The following PTPRU variants were observed in gnomAD, a reference collection of about 807,000 sequenced individuals.
PTPRU encodes protein tyrosine phosphatase receptor type U.
PTPRU carries 69 observed loss-of-function variants against 166.3 expected under a neutral mutation model. The ratio of observed to expected loss-of-function variants is 0.41; its 90% CI spans 0.34 to 0.51. PTPRU has a LOEUF of 0.51. Among genes scored for constraint, PTPRU ranks in the 20% least tolerant of loss-of-function variants. PTPRU has a pLI of 0.09. For missense variants in PTPRU, 1,657 were observed against 2,013.7 expected (o/e 0.82, Z 3.39); for synonymous variants, 793 against 814.0 (o/e 0.97, Z 0.44).
rs747726088 is a variant in PTPRU at position 29,312,701 on chromosome 1, C to T, written c.3222C>T (p.His1074=). 6.2e-7 allele frequency: 1 copy of T among 1,602,772 alleles called. No individual in the cohort carries two copies. The highest frequency in any genetic ancestry group is 1.7e-5 in the Admixed American group (1 of 59,584). ...CTGATGCCGGGCCCATTGTCATCCA[C>T]TGCAGGTGGGGGCACCGGGAATCCC... ...TPPDAGPIVI[H]CSAGTGRTGC... Residue 1074 remains histidine, a synonymous_variant, in exon 22 of 30, where the codon CAC becomes CAT. Coordinates refer to ENST00000373779, the MANE Select transcript of PTPRU (RefSeq NM_133178.4).
intron 1 of PTPRU, among the ~76,000 whole-genome samples, chr1:29,245,728 C>G (rs903366881): frequency 5.3e-5 from 8 of 152,198 alleles, no homozygotes; most frequent in African/African-American, 1.7e-4. Flanking sequence ...TACTGTGTCA[C>G]TCTGCTGGAT....
At chr1:29,298,871 C>T (rs1474722706) in intron 15 of PTPRU, among the ~76,000 whole-genome samples, 1 of 152,100 alleles carries the variant, frequency 6.6e-6, no homozygotes, top group South Asian at 2.1e-4. Flanking sequence ...TGGTAGTGCC[C>T]CTGCCATACG....
intron 22 of PTPRU, among the ~76,000 whole-genome samples, chr1:29,313,654 G>A (rs1435157419): frequency 1.3e-5 from 2 of 152,038 alleles, no homozygotes; most frequent in East Asian, 3.9e-4. Context: ...CCCAAAGTTC[G>A]AGACCAGCCT....
At chr1:29,283,713 T>G (rs1266276512) in intron 12 of PTPRU, 2 of 548,504 alleles carry the variant, frequency 3.6e-6, no homozygotes, top group Non-Finnish European at 6.4e-6. Flanking sequence ...TTTGTTTCTC[T>G]TTTGCCTCCG....
intron 1 of PTPRU, among the ~76,000 whole-genome samples, chr1:29,250,678 C>T (rs1284407744): frequency 6.6e-6 from 1 of 152,142 alleles, no homozygotes; most frequent in East Asian, 1.9e-4. Context: ...AAGAAGGATT[C>T]CTTGCTACCA....
Position 29,291,675 on chromosome 1 carries a change from C to G in PTPRU, c.2319-194C>G, listed in dbSNP as rs565354953. On this transcript the variant is annotated intron_variant, in intron 14 of 29. Transcript: ENST00000373779. The surrounding 1 kb of genome is among the most constrained non-coding windows in gnomAD (Gnocchi z 4.1). ...TCCCTAGGACGGGCTCTGCCAAGCC[C>G]TTTTCAGGGAAGAAGCAGCTCTGGG... Among the ~76,000 whole-genome samples, 1 of 152,298 alleles carries G rather than the reference C, an allele frequency of 6.6e-6. No homozygotes were observed. The highest frequency in any genetic ancestry group is 1.9e-4 in the East Asian group (1 of 5,174).
chr1:29,256,297 A>G (rs1684768338), intron 2 of PTPRU, among the ~76,000 whole-genome samples: 1 of 152,192 alleles, frequency 6.6e-6, no homozygotes, highest in Non-Finnish European at 1.5e-5. Context: ...AGAATGAGAC[A>G]AATAAAGGCC....
In PTPRU at chr1:29,309,953, T is replaced by C. The variant is rs571592538; in HGVS notation, c.2821-791T>C. Among the ~76,000 whole-genome samples the C allele has an allele frequency of 3.9e-5, 6 of 152,316 alleles. No homozygotes were observed. The East Asian group carries it at 1.2e-3, about 29-fold the overall frequency. ...GATGCCCTTGGTATCTGGTGAATTC[T>C]TTTGCTCAGAAAGATGAGGCCTTGT... is the stretch of plus-strand genomic sequence containing the variant. On this transcript the variant is annotated intron_variant, in intron 18 of 29. Transcript: ENST00000373779.
intron 14 of PTPRU, among the ~76,000 whole-genome samples, chr1:29,288,811 C>T (rs1374344949): frequency 1.3e-5 from 2 of 152,126 alleles, no homozygotes; most frequent in Admixed American, 6.6e-5. Flanking sequence ...TGCCACTGAC[C>T]CCCAGAGAGG....
intron 15 of PTPRU, among the ~76,000 whole-genome samples, chr1:29,298,511 G>A (rs1222835048): frequency 2.0e-5 from 3 of 152,186 alleles, no homozygotes; most frequent in Admixed American, 2.0e-4. Flanking sequence ...TGGTGGCGGG[G>A]CTGGTGTGAA....
rs1688107283 is a variant in PTPRU, at chr1:29,320,559, G to A, written c.3688-126G>A. ...CATCAGAAATGGCCCACTGGAGGCA[G>A]CCTGGTCCTGTGGGGCACAACCGTC... On this transcript the variant is annotated intron_variant, in intron 25 of 29. Transcript: ENST00000373779. This position sits in a 1 kb window ranked among gnomAD's most constrained non-coding sequence, Gnocchi z 5.2. 8.6e-6 allele frequency: 10 copies of A among 1,168,212 alleles called. No homozygotes were observed. The highest frequency in any genetic ancestry group is 1.0e-5 in the Non-Finnish European group (9 of 871,844). The allele number at this position is 1,168,212 out of a possible 1,614,324, so 72.4% of individuals were successfully genotyped here. A position where few individuals can be genotyped will look rare whatever the true frequency, so the allele number is the denominator to read the frequency against.
chr1:29,259,684 G>A (rs1684950711), intron 5 of PTPRU, 120 bp downstream of exon 5: 1 of 1,243,216 alleles, frequency 8.0e-7, no homozygotes, highest in Non-Finnish European at 1.1e-6. Context: ...TGCGCACAGC[G>A]TCCCGGCCCT....
chr1:29,236,766 C>A lies in PTPRU; in HGVS notation c.73+49C>A. The A allele has an allele frequency of 7.3e-7, 1 of 1,370,642 alleles. No homozygotes were observed. The highest frequency in any genetic ancestry group is 9.4e-7 in the Non-Finnish European group (1 of 1,059,254). 84.9% of individuals were successfully genotyped at this position (1,370,642 alleles called of 1,614,324 possible). On this transcript the variant is annotated intron_variant, in intron 1 of 29. Transcript: ENST00000373779. The surrounding 1 kb of genome is among the most constrained non-coding windows in gnomAD (Gnocchi z 4.6). ...AGCCTGCCCCGCCGAGCCTCGGGGC[C>A]CGTGGCGTAGCTCGGAAGAAAGTGT...
intron 1 of PTPRU, among the ~76,000 whole-genome samples, chr1:29,243,940 G>A (rs908874248): frequency 6.6e-6 from 1 of 152,324 alleles, no homozygotes; most frequent in Non-Finnish European, 1.5e-5. Flanking sequence ...ACCCCTGAGG[G>A]GGACAGCTCA....
At chr1:29,277,800 A>ATTATTTTTT (rs1478190246) in intron 8 of PTPRU, among the ~76,000 whole-genome samples, 1 of 41,780 alleles carries the variant, frequency 2.4e-5, no homozygotes, top group Non-Finnish European at 5.3e-5. Flanking sequence ...CACAGTTGTC[A>ATTATTTTTT]TTCTTTTTTT....
rs762768576 is a variant in PTPRU at position 29,304,086 on chromosome 1, C to T, written c.2667+41C>T. ...GGGCCAGCAGGATCCCTGCAGAGGC[C>T]TCACCTGGCTCTTACTCTCTGTGGA... On this transcript the variant is annotated intron_variant, in intron 16 of 29. Transcript: ENST00000373779. 3.2e-6 allele frequency: 5 copies of T among 1,573,310 alleles called. No individual in the cohort carries two copies. The East Asian group carries it at 9.1e-5, about 29-fold the overall frequency.
At position 29,325,747 on chromosome 1, in the gene PTPRU, C is replaced by T; in HGVS notation, c.*86C>T. 3 of 1,374,570 alleles carry T rather than the reference C, an allele frequency of 2.2e-6. No homozygotes were observed. The highest frequency in any genetic ancestry group is 1.4e-5 in the South Asian group (1 of 73,574). The allele number at this position is 1,374,570 out of a possible 1,614,324, so 85.1% of individuals were successfully genotyped here. A position where few individuals can be genotyped will look rare whatever the true frequency, so the allele number is the denominator to read the frequency against. On this transcript the variant is annotated 3_prime_UTR_variant, in exon 30 of 30. Coordinates refer to ENST00000373779, the MANE Select transcript of PTPRU (RefSeq NM_133178.4). ...GCGAGGAAGATCAGTGCCTCCTGCTCTGCCCAAACACACTCCCATGGGGCA... is the reference window on the plus strand; with the variant it reads ...GCGAGGAAGATCAGTGCCTCCTGCTTTGCCCAAACACACTCCCATGGGGCA...
intron 18 of PTPRU, among the ~76,000 whole-genome samples, chr1:29,306,269 G>C (rs539426389): frequency 6.6e-6 from 1 of 152,238 alleles, no homozygotes; most frequent in African/African-American, 2.4e-5. Flanking sequence ...AGGTGTGGAA[G>C]AGGGGCGAGG....
Position 29,325,182 on chromosome 1 carries a change from C to T in PTPRU, c.4113-9C>T. ...GCCCCGCCCCTCAGCTTTTGCATCT[C>T]TCATTCAGAAACGGGGGAGGACGCA... On this transcript the variant is annotated splice_polypyrimidine_tract_variant and intron_variant, in intron 28 of 29. Transcript: ENST00000373779. 2 of 1,614,158 alleles carry T rather than the reference C, an allele frequency of 1.2e-6. No individual in the cohort carries two copies. Among genetic ancestry groups the T allele is most frequent in the Non-Finnish European group, 1.7e-6 (2 of 1,180,016 alleles).
Sources: gnomAD v4.1 joint callset for allele counts (sites outside exome capture counted in the v4.1 genomes callset) on GRCh38, gnomAD v4.1.1 for gene constraint, Gnocchi (gnomAD v3.1) non-coding constraint, MANE v1.5 for transcripts, NCBI Gene and HGNC (gene_info 2026-07-23, HGNC 2026-07-21) for gene names.